The following CAPN2 variants were observed in gnomAD, a reference collection of about 807,000 sequenced individuals.
CAPN2 encodes the protein calpain-2 catalytic subunit.
CAPN2 carries 92 observed loss-of-function variants against 102.3 expected under a neutral mutation model. That is an observed-to-expected ratio of 0.90 (90% confidence interval 0.76 to 1.07). The LOEUF is 1.07. Ranked by LOEUF, CAPN2 falls within the 50% of genes least tolerant of loss-of-function variation. CAPN2 has a pLI of 0.00. For missense variants in CAPN2, 800 were observed against 909.4 expected (o/e 0.88, Z 1.55); for synonymous variants, 340 against 355.4 (o/e 0.96, Z 0.49).
chr1:223,731,562 C>T lies in CAPN2; in HGVS notation c.308-12538C>T, dbSNP rs1660336035. ...CATCATCCACAACCAGTTTCCACGTCTGTCTCCTGCCGGCTGTGAGCTCAC... is the reference window on the plus strand; with the variant it reads ...CATCATCCACAACCAGTTTCCACGTTTGTCTCCTGCCGGCTGTGAGCTCAC... On this transcript the variant is annotated intron_variant, in intron 2 of 20. Coordinates refer to ENST00000295006, the MANE Select transcript of CAPN2 (RefSeq NM_001748.5). This position sits in a 1 kb window ranked among gnomAD's most constrained non-coding sequence, Gnocchi z 4.2. Among the ~76,000 whole-genome samples the T allele has an allele frequency of 6.6e-6, 1 of 152,226 alleles. No homozygotes were observed. The highest frequency in any genetic ancestry group is 2.4e-5 in the African/African-American group (1 of 41,448).
chr1:223,709,761 C>T (rs947154746), upstream of CAPN2, among the ~76,000 whole-genome samples: 7 of 152,024 alleles, frequency 4.6e-5, no homozygotes, highest in African/African-American at 9.7e-5. Flanking sequence ...ATTTACATGA[C>T]GTGAAGAGTA....
intron 5 of CAPN2, 125 bp from the exon 6 acceptor site, chr1:223,748,914 C>A: frequency 2.4e-6 from 2 of 829,200 alleles, no homozygotes; most frequent in South Asian, 2.9e-5. Flanking sequence ...AGCCTCCCAC[C>A]CCAGGCCTCG....
At chr1:223,706,846 G>A (rs1316102281) in intron 1 of CAPN2, among the ~76,000 whole-genome samples, 1 of 152,146 alleles carries the variant, frequency 6.6e-6, no homozygotes, top group East Asian at 1.9e-4. Context: ...TTGGGAGGCC[G>A]AGATGGGTGG....
intron 15 of CAPN2, 30 bp downstream of exon 15, chr1:223,764,237 C>T (rs1389746971): frequency 6.3e-7 from 1 of 1,586,564 alleles, no homozygotes; most frequent in African/African-American, 1.3e-5. Context: ...AAAACCTCAT[C>T]CTGCTCTTTC....
chr1:223,770,026 C>A, intron 17 of CAPN2, 117 bp downstream of exon 17: 1 of 914,534 alleles, frequency 1.1e-6, no homozygotes, highest in South Asian at 1.5e-5. Context: ...TGGGATTTTA[C>A]CCATAATGAA....
chr1:223,737,708 G>GT (rs1660495428), intron 2 of CAPN2, among the ~76,000 whole-genome samples: 1 of 21,856 alleles, frequency 4.6e-5, no homozygotes, highest in African/African-American at 9.8e-5. Context: ...GAGACGGGGC[G>GT]GGGGGTGGGG....
chr1:223,752,872 G>T lies in CAPN2; in HGVS notation c.1051G>T (p.Asp351Tyr), dbSNP rs149659079. 1.9e-6 allele frequency: 3 copies of T among 1,614,138 alleles called. No homozygotes were observed. Among genetic ancestry groups the T allele is most frequent in the East Asian group, 2.2e-5 (1 of 44,878 alleles). ...CCTGACCCCAGACACTCTCACCAGC[G>T]ATACCTACAAGAAGTGGAAACTCAC... Reference protein sequence around the residue: ...CNLTPDTLTSDTYKKWKLTKM... With the variant: ...CNLTPDTLTSYTYKKWKLTKM... The change falls in exon 9 of 21, where the codon GAT becomes TAT. Residue 351 changes from aspartate to tyrosine, a missense_variant. Coordinates refer to ENST00000295006, the MANE Select transcript of CAPN2 (RefSeq NM_001748.5).
At chr1:223,760,160 G>A (rs1309867911) in intron 12 of CAPN2, among the ~76,000 whole-genome samples, 1 of 152,222 alleles carries the variant, frequency 6.6e-6, no homozygotes, top group Admixed American at 6.5e-5. Flanking sequence ...TCATCGAAAG[G>A]CCATTGGAGA....
rs376707083 is a variant in CAPN2 at position 223,727,185 on chromosome 1, T to C, written c.307+9354T>C. On this transcript the variant is annotated intron_variant, in intron 2 of 20. Coordinates refer to ENST00000295006, the MANE Select transcript of CAPN2 (RefSeq NM_001748.5). This position sits in a 1 kb window ranked among gnomAD's most constrained non-coding sequence, Gnocchi z 4.1. ...TAGCCAGGAGCAGTCTTCAGTAGCT[T>C]GGTCTGTTTATCGTGTATCTAGCTG... Among the ~76,000 whole-genome samples, 7 of 152,194 alleles carry C rather than the reference T, an allele frequency of 4.6e-5. No homozygotes were observed. The highest frequency in any genetic ancestry group is 1.7e-4 in the African/African-American group (7 of 41,448).
intron 1 of CAPN2, among the ~76,000 whole-genome samples, chr1:223,715,236 T>G (rs1202928438): frequency 6.6e-6 from 1 of 151,972 alleles, no homozygotes; most frequent in African/African-American, 2.4e-5. Context: ...AAGGTGAGAG[T>G]AGAAGCCAGA....
At chr1:223,772,447 C>T (rs1019050238) in intron 20 of CAPN2, 18 of 534,082 alleles carry the variant, frequency 3.4e-5, no homozygotes, top group African/African-American at 9.5e-5. Flanking sequence ...CCAAAATGCA[C>T]GCCTGGCTCC....
chr1:223,749,194 T>C (rs1660826072), intron 6 of CAPN2, 72 bp downstream of exon 6: 2 of 1,360,400 alleles, frequency 1.5e-6, no homozygotes, highest in African/African-American at 1.4e-5. Context: ...TTTGTGGTGA[T>C]GCCCAGGGGC....
In CAPN2 at chr1:223,745,730, C is replaced by T. The variant is rs538175377; in HGVS notation, c.560+291C>T. Among the ~76,000 whole-genome samples the T allele has an allele frequency of 2.0e-5, 3 of 152,316 alleles. No homozygotes were observed. In the East Asian group the frequency reaches 5.8e-4, roughly 29 times the overall value. On this transcript the variant is annotated intron_variant, in intron 4 of 20. Transcript: ENST00000295006. Reference sequence around the variant, plus strand: ...GCAAGGAGATAGTGCATGCAGGGTGCCTGGCTGCACTGTACGCTGATAAAT... The same window carrying T: ...GCAAGGAGATAGTGCATGCAGGGTGTCTGGCTGCACTGTACGCTGATAAAT...
chr1:223,761,488 G>A (rs373556710), intron 12 of CAPN2, 93 bp from the exon 13 acceptor site: 2 of 1,006,008 alleles, frequency 2.0e-6, no homozygotes, highest in Admixed American at 3.6e-5. Context: ...ACCCCCTGCT[G>A]GATTTAGCAC....
chr1:223,760,825 A>C (rs1661164916), intron 12 of CAPN2, among the ~76,000 whole-genome samples: 1 of 152,172 alleles, frequency 6.6e-6, no homozygotes, highest in Non-Finnish European at 1.5e-5. Context: ...CTTCTGCTCC[A>C]GATTCCAATG....
chr1:223,720,790 G>T (rs977084712), intron 2 of CAPN2, among the ~76,000 whole-genome samples: 1 of 151,944 alleles, frequency 6.6e-6, no homozygotes, highest in Non-Finnish European at 1.5e-5. Context: ...CCACAGAGAC[G>T]GGAGAGTAAG....
chr1:223,744,260 G>GAAGACTGTTCCTAGCCCCCT, intron 3 of CAPN2, 42 bp downstream of exon 3: 1 of 1,275,756 alleles, frequency 7.8e-7, no homozygotes, highest in Non-Finnish European at 1.1e-6. Flanking sequence ...AACAGGTCCA[G>GAAGACTGTTCCTAGCCCCCT]GGGGCTAGGA....
chr1:223,761,851 C>T (rs1661193775), intron 13 of CAPN2: 2 of 525,748 alleles, frequency 3.8e-6, no homozygotes, highest in African/African-American at 1.9e-5. Context: ...AATCCATCCA[C>T]AACATTCCAG....
intron 20 of CAPN2, 47 bp downstream of exon 20, chr1:223,772,286 T>C (rs759455500): frequency 1.6e-5 from 25 of 1,551,680 alleles, no homozygotes; most frequent in East Asian, 2.2e-5. Flanking sequence ...GGGGGAGGCA[T>C]GGGGCGGAAA....
Sources: gnomAD v4.1 joint callset for allele counts (sites outside exome capture counted in the v4.1 genomes callset) on GRCh38, gnomAD v4.1.1 for gene constraint, Gnocchi (gnomAD v3.1) non-coding constraint, MANE v1.5 for transcripts, NCBI Gene and HGNC (gene_info 2026-07-23, HGNC 2026-07-21) for gene names.